Variants in TSC22D1 observed in about 807,000 individuals in gnomAD.
TSC22D1 encodes the protein TSC22 domain family member 1.
In TSC22D1, 9 loss-of-function variants were observed where a neutral mutation model predicts 74.2. The ratio of observed to expected loss-of-function variants is 0.12; its 90% confidence interval spans 0.07 to 0.21. TSC22D1 has a LOEUF of 0.21. Among genes scored for constraint, TSC22D1 ranks in the 10% least tolerant of loss-of-function variants. The pLI is 1.00. For missense variants in TSC22D1, 1,427 were observed against 1,304.7 expected (o/e 1.09, Z -1.44); for synonymous variants, 586 against 492.5 (o/e 1.19, Z -2.51).
At chr13:44,525,116 G>T (rs971654613) in intron 1 of TSC22D1, among the ~76,000 whole-genome samples, 2 of 152,072 alleles carry the variant, frequency 1.3e-5, no homozygotes, top group African/African-American at 4.8e-5. Context: ...CCACCTAAGG[G>T]GGGTAAAAAA....
Position 44,434,708 on chromosome 13 carries a change from G to T in TSC22D1, c.3140C>A (p.Ser1047Tyr). Residue 1047 changes from serine (S) to tyrosine (Y), a missense_variant, in exon 3 of 3, where the codon TCC becomes TAC. Ser to Tyr is a moderately radical substitution (Grantham distance 144). Around this residue, in one of 3 missense-constraint regions of TSC22D1, gnomAD observed 63 missense variants for 50.5 expected, o/e 1.25. Transcript: ENST00000458659. ...CTGTGGCTGGGTGGTGGCAGGGGGG[G>T]AGCCAGTCTGCAGCTGGGCCTGAAA... ...AQFQAQLQTG[S>Y]PPATTQPQGT... 1 of 1,612,022 alleles carries T rather than the reference G, an allele frequency of 6.2e-7. No individual in the cohort carries two copies. Among genetic ancestry groups the T allele is most frequent in the African/African-American group, 1.3e-5 (1 of 74,990 alleles).
Position 44,573,203 on chromosome 13 carries a change from G to T in TSC22D1, c.2872C>A (p.Leu958Ile). 1 of 1,614,180 alleles carries T rather than the reference G, an allele frequency of 6.2e-7. No homozygotes were observed. Among genetic ancestry groups the T allele is most frequent in the South Asian group, 1.1e-5 (1 of 91,088 alleles). ...TCCACCAGGGGTGTCGTCAGCGGTA[G>T]CACCTTCAACGGGAAAAGAGAAGCA... ...ASASLFPLKV[L>I]PLTTPLVDGE... Residue 958 changes from leucine to isoleucine, a missense_variant, in exon 1 of 3, where the codon CTA (leucine) becomes ATA (isoleucine). Transcript: ENST00000458659.
intron 1 of TSC22D1, chr13:44,536,889 G>T: frequency 5.1e-6 from 4 of 784,646 alleles, no homozygotes; most frequent in Non-Finnish European, 5.9e-6. Context: ...TGACCCCCAC[G>T]AAGAATCACC....
intron 1 of TSC22D1, chr13:44,437,343 G>C (rs931269855): frequency 1.3e-6 from 1 of 767,588 alleles, no homozygotes; most frequent in Admixed American, 6.2e-5. Flanking sequence ...ACCGGCAGCG[G>C]TACTGGGAGG....
intron 1 of TSC22D1, among the ~76,000 whole-genome samples, chr13:44,507,198 A>G (rs1324774086): frequency 6.6e-6 from 1 of 152,238 alleles, no homozygotes; most frequent in Non-Finnish European, 1.5e-5. Flanking sequence ...AGAAAGGAAC[A>G]GAACTAAGGA....
At chr13:44,506,177 A>C (rs1566143978) in intron 1 of TSC22D1, among the ~76,000 whole-genome samples, 1 of 152,182 alleles carries the variant, frequency 6.6e-6, no homozygotes, top group Non-Finnish European at 1.5e-5. Flanking sequence ...AAATGTATGG[A>C]GTTTCCAAAA....
chr13:44,548,445 GAATA>G (rs1881977539), intron 1 of TSC22D1, among the ~76,000 whole-genome samples: 1 of 152,134 alleles, frequency 6.6e-6, no homozygotes, highest in Non-Finnish European at 1.5e-5. Flanking sequence ...ATAAAAGCTA[GAATA>G]AACATACTGT....
chr13:44,533,386 G>C (rs929737750), intron 1 of TSC22D1, among the ~76,000 whole-genome samples: 1 of 151,614 alleles, frequency 6.6e-6, no homozygotes, highest in South Asian at 2.1e-4. Flanking sequence ...CTTGAACCCA[G>C]GAGGCAGATG....
intron 1 of TSC22D1, among the ~76,000 whole-genome samples, chr13:44,511,981 C>T (rs990010134): frequency 1.4e-4 from 22 of 152,122 alleles, no homozygotes; most frequent in African/African-American, 3.4e-4. Context: ...CTGCTTTTCT[C>T]ATTCTCATTC....
chr13:44,537,101 AT>A (rs375850726), intron 1 of TSC22D1: 32 of 920,900 alleles, frequency 3.5e-5, no homozygotes, highest in Middle Eastern at 5.5e-4. Flanking sequence ...CAGTAAGTGC[AT>A]TTTTTTCATG....
chr13:44,542,231 T>C (rs1023317129), intron 1 of TSC22D1, among the ~76,000 whole-genome samples: 18 of 151,990 alleles, frequency 1.2e-4, no homozygotes. Flanking sequence ...TGAGTGAAAA[T>C]ACAGGCAAAA....
intron 1 of TSC22D1, 39 bp downstream of exon 1, chr13:44,573,124 A>G: frequency 6.3e-7 from 1 of 1,593,192 alleles, no homozygotes; most frequent in Non-Finnish European, 8.5e-7. Context: ...ATTAACTTCA[A>G]ATCTGTTGAA....
chr13:44,538,061 G>A (rs890054238), intron 1 of TSC22D1: 2 of 985,072 alleles, frequency 2.0e-6, no homozygotes, highest in African/African-American at 1.7e-5. Context: ...TTGACAGCTT[G>A]GATAAATAAC....
In TSC22D1 at chr13:44,573,786, T is replaced by G; in HGVS notation, c.2289A>C (p.Gln763His). 1 of 1,614,228 alleles carries G rather than the reference T, an allele frequency of 6.2e-7. No individual in the cohort carries two copies. The highest frequency in any genetic ancestry group is 1.7e-5 in the Admixed American group (1 of 60,022). ...VIQQGAPPSS[Q>H]VVPPAQTGII... Reference sequence around the variant, plus strand: ...TCCCAGTTTGAGCAGGTGGAACCACTTGCGAAGATGGAGGAGCACCCTGCT... The same window carrying G: ...TCCCAGTTTGAGCAGGTGGAACCACGTGCGAAGATGGAGGAGCACCCTGCT... The change falls in exon 1 of 3, where the codon CAA (glutamine) becomes CAC (histidine). Residue 763 changes from glutamine to histidine, a missense_variant. By Grantham distance (24) the Gln-to-His change is conservative. Coordinates refer to ENST00000458659, the MANE Select transcript of TSC22D1 (RefSeq NM_183422.4).
intron 1 of TSC22D1, among the ~76,000 whole-genome samples, chr13:44,485,022 G>A (rs1878361463): frequency 1.3e-5 from 2 of 152,152 alleles, no homozygotes; most frequent in Admixed American, 1.3e-4. Flanking sequence ...GAATAGATAT[G>A]TAGAGTATGT....
chr13:44,485,896 T>C (rs1595110812), intron 1 of TSC22D1, among the ~76,000 whole-genome samples: 1 of 152,230 alleles, frequency 6.6e-6, no homozygotes, highest in East Asian at 1.9e-4. Flanking sequence ...AGTGTTAAAC[T>C]GTTGTAAGGC....
At chr13:44,449,619 A>G (rs1163591823) in intron 1 of TSC22D1, among the ~76,000 whole-genome samples, 2 of 152,130 alleles carry the variant, frequency 1.3e-5, no homozygotes, top group African/African-American at 4.8e-5. Context: ...ATATCATCTT[A>G]GTGTGATTCT....
intron 1 of TSC22D1, among the ~76,000 whole-genome samples, chr13:44,548,482 CTTCAAA>C (rs992927426): frequency 1.1e-4 from 17 of 152,178 alleles, no homozygotes; most frequent in African/African-American, 3.9e-4. Context: ...TCTGAAACAA[CTTCAAA>C]TTCATTTAAA....
chr13:44,554,486 A>G (rs1882491754), intron 1 of TSC22D1, among the ~76,000 whole-genome samples: 1 of 152,182 alleles, frequency 6.6e-6, no homozygotes, highest in Non-Finnish European at 1.5e-5. Flanking sequence ...TGAGTGTACT[A>G]GACGAAACTG....
Sources: allele counts gnomAD v4.1 joint callset (sites outside exome capture counted in the v4.1 genomes callset), GRCh38; gene constraint gnomAD v4.1.1; regional missense constraint gnomAD v4.1.1; transcripts MANE v1.5; gene names NCBI Gene and HGNC (gene_info 2026-07-23, HGNC 2026-07-21).